Variants in SLC25A46 observed in about 807,000 individuals in gnomAD.
SLC25A46 encodes mitochondrial outer membrane protein SLC25A46.
A neutral mutation model predicts 44.6 loss-of-function variants in SLC25A46; 39 were observed. The observed-to-expected ratio is 0.87, with a 90% CI of 0.68 to 1.14. The LOEUF (loss-of-function observed/expected upper bound fraction) is 1.14. Ranked by LOEUF, SLC25A46 falls within the 50% of genes most tolerant of loss-of-function variation. The pLI is 0.00. For missense variants in SLC25A46, 547 were observed against 522.7 expected (o/e 1.05, Z -0.45); for synonymous variants, 202 against 185.8 (o/e 1.09, Z -0.71).
chr5:110,759,988 G>T (rs1800208336), intron 7 of SLC25A46, among the ~76,000 whole-genome samples: 1 of 152,128 alleles, frequency 6.6e-6, no homozygotes, highest in African/African-American at 2.4e-5. Flanking sequence ...CTTAGGTTGA[G>T]ACATCGTAAG....
upstream of SLC25A46, among the ~76,000 whole-genome samples, chr5:110,738,516 C>T (rs1036173775): frequency 1.3e-5 from 2 of 152,116 alleles, no homozygotes; most frequent in Non-Finnish European, 2.9e-5. Flanking sequence ...ACAGTACTTT[C>T]GCGTTCACTG....
rs568050554 is a variant in SLC25A46, at chr5:110,749,655, T to C, written c.563+1392T>C. ...GTGTAGATACATTTGAGAGAGAGGG[T>C]AGAGAAATTAGGGAAATTTGCTTTT... is the stretch of plus-strand genomic sequence containing the variant. On this transcript the variant is annotated intron_variant, in intron 5 of 7. Transcript: ENST00000355943. Among the ~76,000 whole-genome samples the C allele has an allele frequency of 2.0e-5, 3 of 151,796 alleles. 1 individual carries two copies. In the South Asian group the frequency reaches 6.3e-4, roughly 32 times the overall value.
chr5:110,741,977 C>G (rs1799703239), intron 1 of SLC25A46, 70 bp from the exon 2 acceptor site: 1 of 1,095,580 alleles, frequency 9.1e-7, no homozygotes, highest in Non-Finnish European at 1.3e-6. Context: ...TGTTTTGAGA[C>G]TAAACCTAAA....
chr5:110,742,154 A>G, intron 2 of SLC25A46, 65 bp downstream of exon 2: 1 of 1,141,532 alleles, frequency 8.8e-7, no homozygotes, highest in Non-Finnish European at 1.2e-6. Flanking sequence ...TCTTTAATTT[A>G]CAATATTAAA....
At chr5:110,755,543 T>C in intron 6 of SLC25A46, 22 bp downstream of exon 6, 1 of 1,472,240 alleles carries the variant, frequency 6.8e-7, no homozygotes, top group South Asian at 1.2e-5. Flanking sequence ...AAAATGGCAT[T>C]TTTATTGGGC....
Position 110,743,804 on chromosome 5 carries a change from T to A in SLC25A46, c.384+17T>A, listed in dbSNP as rs1489787188. 4 of 1,596,286 alleles carry A rather than the reference T, an allele frequency of 2.5e-6. No homozygotes were observed. Among genetic ancestry groups the A allele is most frequent in the Non-Finnish European group, 3.4e-6 (4 of 1,166,924 alleles). ...CAATGTCAGGTAAATGTAATTTCTGTGATCTTTTGAAGCAATACTTCTGAC... is the reference window on the plus strand; with the variant it reads ...CAATGTCAGGTAAATGTAATTTCTGAGATCTTTTGAAGCAATACTTCTGAC... On this transcript the variant is annotated intron_variant, in intron 3 of 7. Coordinates refer to ENST00000355943, the MANE Select transcript of SLC25A46 (RefSeq NM_138773.4).
chr5:110,746,246 A>T (rs764049677), intron 3 of SLC25A46, 23 bp from the exon 4 acceptor site: 5 of 1,519,438 alleles, frequency 3.3e-6, no homozygotes, highest in South Asian at 2.4e-5. Flanking sequence ...ACAGAAAAAA[A>T]TAATGAAATA....
chr5:110,738,945 G>A (rs1228154321), upstream of SLC25A46: 28 of 1,430,948 alleles, frequency 2.0e-5, no homozygotes, highest in Non-Finnish European at 2.5e-5. Flanking sequence ...AATGGTTGCC[G>A]GAAGAGGCTA....
chr5:110,742,744 C>A (rs893650351), intron 2 of SLC25A46, among the ~76,000 whole-genome samples: 2 of 152,004 alleles, frequency 1.3e-5, no homozygotes, highest in Non-Finnish European at 2.9e-5. Context: ...CTAATGCTTA[C>A]AAGATATTTA....
intron 3 of SLC25A46, chr5:110,745,624 A>C (rs1799797606): frequency 6.6e-6 from 1 of 152,180 alleles, no homozygotes; most frequent in Non-Finnish European, 1.5e-5. Context: ...AAACAGTATA[A>C]ATCATTATAA....
At chr5:110,749,251 A>G (rs1799897464) in intron 5 of SLC25A46, among the ~76,000 whole-genome samples, 1 of 152,154 alleles carries the variant, frequency 6.6e-6, no homozygotes, top group South Asian at 2.1e-4. Context: ...TTATCTTTCA[A>G]TAAATGAAGT....
At position 110,756,756 on chromosome 5, in the gene SLC25A46, G is replaced by A. The variant is rs1800124849; in HGVS notation, c.675G>A (p.Val225=). 5 of 1,531,706 alleles carry A rather than the reference G, an allele frequency of 3.3e-6. No individual in the cohort carries two copies. The highest frequency in any genetic ancestry group is 4.4e-6 in the Non-Finnish European group (5 of 1,146,124). The allele number at this position is 1,531,706 out of a possible 1,614,324, so 94.9% of individuals were successfully genotyped here. ...PFYSASLIET[V]QSEIIRDNTG... ...ATTCAGCAAGTCTGATTGAAACAGT[G>A]CAGGTGAGCTTTTTTTTACTGTCAT... The change falls in exon 7 of 8, where the codon GTG becomes GTA. Residue 225 remains valine (V), a synonymous_variant. Transcript: ENST00000355943.
Position 110,763,985 on chromosome 5 carries a change from G to C in SLC25A46, c.*2203G>C, listed in dbSNP as rs925038066. The C allele has an allele frequency of 6.6e-6, 1 of 151,796 alleles. No homozygotes were observed. Among genetic ancestry groups the C allele is most frequent in the African/African-American group, 2.4e-5 (1 of 41,398 alleles). The allele number at this position is 151,796 out of a possible 1,614,324, so 9.4% of individuals were successfully genotyped here. A position where few individuals can be genotyped will look rare whatever the true frequency, so the allele number is the denominator to read the frequency against. Reference sequence around the variant, plus strand: ...AATGAGTGAGATAACTGTAAGATACGCTCGTTCCCTTTTAAAAATTGTTAT... The same window carrying C: ...AATGAGTGAGATAACTGTAAGATACCCTCGTTCCCTTTTAAAAATTGTTAT... On this transcript the variant is annotated 3_prime_UTR_variant, in exon 8 of 8. Transcript: ENST00000355943.
chr5:110,760,326 T>C (rs890769523), intron 7 of SLC25A46, among the ~76,000 whole-genome samples: 4 of 152,172 alleles, frequency 2.6e-5, no homozygotes, highest in African/African-American at 9.7e-5. Context: ...TCTTTGTTAC[T>C]GGAATCATTC....
At chr5:110,738,696 T>C (rs116525996), upstream of SLC25A46, 4,653 of 228,832 alleles carry the variant, frequency 0.02, 60 homozygotes, top group African/African-American at 0.028. Flanking sequence ...AGCTGTGACA[T>C]GGGGTATTTC....
chr5:110,744,376 T>C (rs571637339), intron 3 of SLC25A46, among the ~76,000 whole-genome samples: 1 of 152,368 alleles, frequency 6.6e-6, no homozygotes, highest in South Asian at 2.1e-4. Context: ...GTGAACTTTT[T>C]ATACTTTGTT....
chr5:110,760,870 T>A (rs1476490712), intron 7 of SLC25A46, among the ~76,000 whole-genome samples: 2 of 152,136 alleles, frequency 1.3e-5, no homozygotes, highest in East Asian at 3.9e-4. Context: ...TAAACATGTT[T>A]AAGAACTATA....
Position 110,739,276 on chromosome 5 carries a change from C to A in SLC25A46, c.157C>A (p.Arg53Ser). 2 of 1,577,866 alleles carry A rather than the reference C, an allele frequency of 1.3e-6. No individual in the cohort carries two copies. Among genetic ancestry groups the A allele is most frequent in the East Asian group, 2.3e-5 (1 of 43,254 alleles). ...VTTPPDIPGS[R>S]NLHWGEKSPP... ...GACTCCCCCAGATATCCCCGGCAGCCGCAACCTGCACTGGGGCGAGAAGAG... is the reference window on the plus strand; with the variant it reads ...GACTCCCCCAGATATCCCCGGCAGCAGCAACCTGCACTGGGGCGAGAAGAG... Residue 53 changes from arginine (R) to serine (S), a missense_variant, in exon 1 of 8, where the codon CGC becomes AGC. By Grantham distance (110) the Arg-to-Ser change is moderately radical (BLOSUM62 -1). Transcript: ENST00000355943.
At chr5:110,741,394 A>C (rs1799687607) in intron 1 of SLC25A46, among the ~76,000 whole-genome samples, 1 of 152,186 alleles carries the variant, frequency 6.6e-6, no homozygotes, top group African/African-American at 2.4e-5. Flanking sequence ...TTAAAACTTG[A>C]AGAGATGGGG....
Sources: gnomAD v4.1 joint callset for allele counts (sites outside exome capture counted in the v4.1 genomes callset) on GRCh38, gnomAD v4.1.1 for gene constraint, MANE v1.5 for transcripts, NCBI Gene and HGNC (gene_info 2026-07-23, HGNC 2026-07-21) for gene names.